Variants in STX5 observed in about 807,000 individuals in gnomAD.
STX5 encodes the protein syntaxin 5, also known as syntaxin-5.
A neutral mutation model predicts 42.9 loss-of-function variants in STX5; 15 were observed. That is an observed-to-expected ratio of 0.35 (90% confidence interval 0.23 to 0.54). The LOEUF (loss-of-function observed/expected upper bound fraction) is 0.54, where lower values mean the gene tolerates loss of function less well. Ranked by LOEUF, STX5 falls within the 20% of genes least tolerant of loss-of-function variation. The pLI is 0.91. For missense variants in STX5, 430 were observed against 455.0 expected, an observed-to-expected ratio of 0.95 and a Z score of 0.50; for synonymous variants, 184 against 173.2, an observed-to-expected ratio of 1.06 and a Z score of -0.49.
chr11:62,809,251 G>T (rs1386670598), intron 10 of STX5, among the ~76,000 whole-genome samples: 2 of 142,896 alleles, frequency 1.4e-5, no homozygotes, highest in African/African-American at 5.3e-5. Context: ...TCGTGCCACT[G>T]CACTCCAGCC....
chr11:62,814,105 G>T (rs930319853), intron 10 of STX5, among the ~76,000 whole-genome samples: 3 of 151,672 alleles, frequency 2.0e-5, no homozygotes, highest in African/African-American at 7.3e-5. Flanking sequence ...CTAATAATAA[G>T]ACAACCAATA....
At chr11:62,820,412 A>G (rs1224257125) in intron 10 of STX5, among the ~76,000 whole-genome samples, 1 of 151,140 alleles carries the variant, frequency 6.6e-6, no homozygotes, top group Non-Finnish European at 1.5e-5. Context: ...GGTGGCTCAC[A>G]TATGTAATCC....
intron 1 of STX5, 46 bp from the exon 2 acceptor site, chr11:62,831,308 C>T: frequency 7.5e-7 from 1 of 1,341,228 alleles, no homozygotes; most frequent in Admixed American, 2.0e-5. Context: ...CTTCTTTACC[C>T]AAACTCCCCC....
chr11:62,825,266 A>G lies in STX5; in HGVS notation c.597+17T>C. ...TTACTCCCATATTCCTACCCCTCCT[A>G]CGCAGATTGTTCTCACCTCTGTCCT... On this transcript the variant is annotated intron_variant, in intron 7 of 10. Transcript: ENST00000294179. 1 of 1,613,898 alleles carries G rather than the reference A, an allele frequency of 6.2e-7. No individual in the cohort carries two copies. Among genetic ancestry groups the G allele is most frequent in the Non-Finnish European group, 8.5e-7 (1 of 1,179,994 alleles).
chr11:62,818,333 G>A (rs1215694794), intron 10 of STX5, among the ~76,000 whole-genome samples: 1 of 151,434 alleles, frequency 6.6e-6, no homozygotes, highest in Non-Finnish European at 1.5e-5. Flanking sequence ...GAAGTGGGAG[G>A]ATCACTTGAG....
chr11:62,814,318 A>G (rs920477310), intron 10 of STX5, among the ~76,000 whole-genome samples: 2 of 152,154 alleles, frequency 1.3e-5, no homozygotes, highest in Non-Finnish European at 2.9e-5. Context: ...GGCATGCACC[A>G]CCACGCCCTA....
intron 10 of STX5, among the ~76,000 whole-genome samples, chr11:62,818,330 G>A (rs2084698481): frequency 6.6e-6 from 1 of 151,628 alleles, no homozygotes; most frequent in African/African-American, 2.4e-5. Flanking sequence ...GCGGAAGTGG[G>A]AGGATCACTT....
Position 62,826,566 on chromosome 11 carries a change from A to G in STX5, c.423+589T>C, listed in dbSNP as rs1398968548. Among the ~76,000 whole-genome samples, 3 of 151,346 alleles carry G rather than the reference A, an allele frequency of 2.0e-5. No homozygotes were observed. In the East Asian group the frequency reaches 5.8e-4, roughly 29 times the overall value. On this transcript the variant is annotated intron_variant, in intron 5 of 10. Coordinates refer to ENST00000294179, the MANE Select transcript of STX5 (RefSeq NM_003164.5). The stretch of plus-strand genomic sequence containing the variant: ...GAGTGAAACTCTGTCTCAAAAAATA[A>G]TAATAAATAAATAAATAAATAAAAT...
chr11:62,814,720 G>A (rs2084654754), intron 10 of STX5, among the ~76,000 whole-genome samples: 1 of 150,916 alleles, frequency 6.6e-6, no homozygotes, highest in Non-Finnish European at 1.5e-5. Context: ...CTGCCTCCCG[G>A]GTTCAGGTGA....
At chr11:62,825,400 C>A in intron 6 of STX5, 23 bp downstream of exon 6, 1 of 1,614,146 alleles carries the variant, frequency 6.2e-7, no homozygotes, top group African/African-American at 1.3e-5. Context: ...CTTTGCCTCC[C>A]TCCCTTCCTC....
chr11:62,820,484 T>C (rs1268839156), intron 10 of STX5, among the ~76,000 whole-genome samples: 1 of 151,522 alleles, frequency 6.6e-6, no homozygotes, highest in African/African-American at 2.4e-5. Context: ...TTTAATAAGG[T>C]TGGATTTAGG....
intron 10 of STX5, among the ~76,000 whole-genome samples, chr11:62,811,143 G>A (rs2084612893): frequency 6.6e-6 from 1 of 151,970 alleles, no homozygotes; most frequent in Non-Finnish European, 1.5e-5. Flanking sequence ...CTGACTCCAT[G>A]GGGGATCTGT....
rs778645007 is a variant in STX5 at position 62,831,096 on chromosome 11, G to A, written c.148C>T (p.Pro50Ser). 6.4e-7 allele frequency: 1 copy of A among 1,555,566 alleles called. No homozygotes were observed. Reference protein sequence around the residue: ...PLPPPVTLVPPPPDTMSCRDR... With the variant: ...PLPPPVTLVPSPPDTMSCRDR... ...CGGCAGGACATGGTGTCGGGAGGGG[G>A]AGGGACGAGGGTCACTGGGGGGGGC... is the stretch of plus-strand genomic sequence containing the variant. The change falls in exon 2 of 11, where the codon CCC becomes TCC. Residue 50 changes from proline to serine, a missense_variant. Coordinates refer to ENST00000294179, the MANE Select transcript of STX5 (RefSeq NM_003164.5).
rs146369743 is a variant in STX5, at chr11:62,807,613, C to G, written c.924G>C (p.Val308=). The stretch of plus-strand genomic sequence containing the variant: ...CCTCAACGTCCAGCTGGGCTCCTAG[C>G]ACGTTCTCGTCGATCCTGGGGACAA... ...EETIQRIDEN[V]LGAQLDVEAA... Residue 308 remains valine (V), a synonymous_variant, in exon 11 of 11, where the codon GTG becomes GTC. Coordinates refer to ENST00000294179, the MANE Select transcript of STX5 (RefSeq NM_003164.5). 1.2e-6 allele frequency: 2 copies of G among 1,614,082 alleles called. No homozygotes were observed. The highest frequency in any genetic ancestry group is 1.7e-6 in the Non-Finnish European group (2 of 1,180,028).
intron 10 of STX5, among the ~76,000 whole-genome samples, chr11:62,811,484 C>G (rs1391807002): frequency 6.6e-6 from 1 of 152,188 alleles, no homozygotes; most frequent in African/African-American, 2.4e-5. Context: ...TAATTCTGCA[C>G]TCCTGTATCT....
chr11:62,819,145 C>G (rs2134831463), intron 10 of STX5, among the ~76,000 whole-genome samples: 1 of 126,670 alleles, frequency 7.9e-6, no homozygotes, highest in East Asian at 2.6e-4. Context: ...GGTGTGAACC[C>G]AGGAGACAGA....
At chr11:62,820,267 G>A (rs968545284) in intron 10 of STX5, among the ~76,000 whole-genome samples, 1 of 151,176 alleles carries the variant, frequency 6.6e-6, no homozygotes, top group Non-Finnish European at 1.5e-5. Context: ...AGCTACTCGG[G>A]AGGCTGAGGC....
rs7122269 is a variant in STX5, at chr11:62,831,116, G to C, written c.128C>G (p.Pro43Arg). ...SSSSDIAPLP[P>R]PVTLVPPPPD... ...AGGGGGAGGGACGAGGGTCACTGGG[G>C]GGGGCAGAGGGGCGATGTCGCTGCT... The change falls in exon 2 of 11, where the codon CCC becomes CGC. Residue 43 changes from proline (P) to arginine (R), a missense_variant. Coordinates refer to ENST00000294179, the MANE Select transcript of STX5 (RefSeq NM_003164.5). The C allele has an allele frequency of 4.5e-6, 7 of 1,554,724 alleles. No homozygotes were observed. Among genetic ancestry groups the C allele is most frequent in the South Asian group, 3.6e-5 (3 of 84,474 alleles).
intron 4 of STX5, 29 bp downstream of exon 4, chr11:62,827,314 C>A (rs746789442): frequency 6.2e-7 from 1 of 1,614,164 alleles, no homozygotes; most frequent in South Asian, 1.1e-5. Flanking sequence ...TTTACTGCCC[C>A]ACTTCTGAAA....
Sources: allele counts gnomAD v4.1 joint callset (sites outside exome capture counted in the v4.1 genomes callset), GRCh38; gene constraint gnomAD v4.1.1; transcripts MANE v1.5; gene names NCBI Gene and HGNC (gene_info 2026-07-23, HGNC 2026-07-21).